Variants in PCDH15 observed in about 807,000 individuals in gnomAD.
PCDH15 encodes protocadherin related 15, also known as protocadherin-15.
A neutral mutation model predicts 178.5 loss-of-function variants in PCDH15; 129 were observed. The observed-to-expected ratio is 0.72, with a 90% CI of 0.63 to 0.84. The LOEUF (loss-of-function observed/expected upper bound fraction) is 0.84. Among genes scored for constraint, PCDH15 ranks in the 40% least tolerant of loss-of-function variants. The pLI is 0.00. For missense variants in PCDH15, 2,230 were observed against 2,099.9 expected (o/e 1.06, Z -1.21); for synonymous variants, 800 against 732.0 (o/e 1.09, Z -1.50).
chr10:53,975,311 G>A (rs1379238385), intron 21 of PCDH15, among the ~76,000 whole-genome samples: 1 of 152,154 alleles, frequency 6.6e-6, no homozygotes, highest in Non-Finnish European at 1.5e-5. Context: ...TAATGGAATT[G>A]CTAGGTCAAA....
At chr10:54,853,289 G>GTATGTA (rs1554806765) in intron 3 of PCDH15, among the ~76,000 whole-genome samples, 1 of 102,576 alleles carries the variant, frequency 9.7e-6, no homozygotes, top group Non-Finnish European at 1.9e-5. Flanking sequence ...ATGTATGTGT[G>GTATGTA]TATATATATA....
At chr10:55,420,434 A>G (rs1313277330) in intron 2 of PCDH15, among the ~76,000 whole-genome samples, 1 of 150,360 alleles carries the variant, frequency 6.7e-6, no homozygotes. Context: ...ATTTAGGGTT[A>G]TGTTGACAGG....
intron 11 of PCDH15, among the ~76,000 whole-genome samples, chr10:54,193,919 C>T (rs2049295528): frequency 6.6e-6 from 1 of 151,838 alleles, no homozygotes; most frequent in Admixed American, 6.6e-5. Context: ...ATAATTGCAT[C>T]TATCATGTTT....
At chr10:55,588,941 C>T (rs541611863) in intron 2 of PCDH15, among the ~76,000 whole-genome samples, 16 of 151,874 alleles carry the variant, frequency 1.1e-4, no homozygotes, top group African/African-American at 3.6e-4. Context: ...ATTAGCCTGG[C>T]GTGGTGCCAC....
At chr10:54,466,118 AGAG>A (rs781450989) in intron 3 of PCDH15, among the ~76,000 whole-genome samples, 5 of 151,948 alleles carry the variant, frequency 3.3e-5, no homozygotes, top group Non-Finnish European at 5.9e-5. Flanking sequence ...CCTTGATGAA[AGAG>A]TAGTCTGCAT....
At chr10:55,434,474 G>A (rs1013104987) in intron 2 of PCDH15, among the ~76,000 whole-genome samples, 2 of 152,062 alleles carry the variant, frequency 1.3e-5, no homozygotes, top group South Asian at 2.1e-4. Context: ...TTATTAAAAT[G>A]TCAAATTATG....
intron 2 of PCDH15, among the ~76,000 whole-genome samples, chr10:55,419,465 G>C (rs984186940): frequency 6.6e-6 from 1 of 151,748 alleles, no homozygotes; most frequent in African/African-American, 2.4e-5. Context: ...TCTGAGGAGA[G>C]ATTGTTTGTA....
At chr10:54,171,544 G>T (rs1009588565) in intron 13 of PCDH15, among the ~76,000 whole-genome samples, 1 of 138,952 alleles carries the variant, frequency 7.2e-6, no homozygotes, top group African/African-American at 3.0e-5. Context: ...TCAACTACTC[G>T]TACATGCCCT....
intron 25 of PCDH15, among the ~76,000 whole-genome samples, chr10:53,937,885 A>G (rs2134043983): frequency 6.6e-6 from 1 of 152,092 alleles, no homozygotes; most frequent in East Asian, 1.9e-4. Flanking sequence ...CCTTGAAATG[A>G]TGTCCAGGGA....
chr10:55,028,896 C>A (rs985289132), intron 2 of PCDH15, among the ~76,000 whole-genome samples: 1 of 151,974 alleles, frequency 6.6e-6, no homozygotes, highest in African/African-American at 2.4e-5. Flanking sequence ...AAATATTAAT[C>A]CATATTCTGA....
At chr10:54,022,732 T>C (rs373108586) in intron 19 of PCDH15, among the ~76,000 whole-genome samples, 160 bp downstream of exon 19, 22 of 152,134 alleles carry the variant, frequency 1.4e-4, no homozygotes, top group Non-Finnish European at 2.5e-4. Context: ...TAAAATACAA[T>C]ATGCAATATT....
At chr10:54,348,182 G>A (rs1468929060) in intron 5 of PCDH15, among the ~76,000 whole-genome samples, 2 of 152,090 alleles carry the variant, frequency 1.3e-5, no homozygotes, top group African/African-American at 2.4e-5. Flanking sequence ...ATATAAATAG[G>A]TAAAATAAAA....
At chr10:54,865,413 T>C (rs1432243989) in intron 3 of PCDH15, among the ~76,000 whole-genome samples, 1 of 152,172 alleles carries the variant, frequency 6.6e-6, no homozygotes, top group Non-Finnish European at 1.5e-5. Context: ...TGCTGACAGC[T>C]TTTGTACTTT....
rs371803028 is a variant in PCDH15 at position 53,914,166 on chromosome 10, G to A, written c.3374-10796C>T. Among the ~76,000 whole-genome samples, 11 of 152,274 alleles carry A rather than the reference G, an allele frequency of 7.2e-5. No homozygotes were observed. The East Asian group carries it at 2.1e-3, about 29-fold the overall frequency. On this transcript the variant is annotated intron_variant, in intron 25 of 37. Transcript: ENST00000644397. ...TAGGAATGCTTTTACACTGTTGGTG[G>A]GAGTTTAAACTAGTTTAACCATTGT...
intron 3 of PCDH15, among the ~76,000 whole-genome samples, chr10:54,523,631 C>T (rs1469612092): frequency 6.6e-6 from 1 of 152,102 alleles, no homozygotes; most frequent in East Asian, 1.9e-4. Flanking sequence ...GTTTTGAAAA[C>T]TGCTGTAGGA....
At chr10:54,778,515 C>T (rs1396681375) in intron 1 of PCDH15, among the ~76,000 whole-genome samples, 1 of 152,096 alleles carries the variant, frequency 6.6e-6, no homozygotes, top group African/African-American at 2.4e-5. Flanking sequence ...TTTTTGCACA[C>T]TGTAAAAATT....
intron 1 of PCDH15, among the ~76,000 whole-genome samples, chr10:55,241,700 G>C (rs1448412241): frequency 6.6e-6 from 1 of 152,136 alleles, no homozygotes; most frequent in Non-Finnish European, 1.5e-5. Context: ...TGGGATTGCA[G>C]GTATGAGCCA....
intron 3 of PCDH15, among the ~76,000 whole-genome samples, chr10:54,806,986 T>G (rs1278768126): frequency 6.6e-6 from 1 of 152,226 alleles, no homozygotes. Flanking sequence ...GCAGGACTGA[T>G]ATCCTATCAC....
chr10:55,187,181 C>G (rs139608208), intron 1 of PCDH15, among the ~76,000 whole-genome samples: 1 of 151,814 alleles, frequency 6.6e-6, no homozygotes, highest in Non-Finnish European at 1.5e-5. Context: ...TTCATACTCA[C>G]GTAATATTTC....
Sources: gnomAD v4.1 joint callset for allele counts (sites outside exome capture counted in the v4.1 genomes callset) on GRCh38, gnomAD v4.1.1 for gene constraint, MANE v1.5 for transcripts, NCBI Gene and HGNC (gene_info 2026-07-23, HGNC 2026-07-21) for gene names.